Variants in ADGRB3 observed in about 807,000 individuals in gnomAD.
ADGRB3 encodes the protein adhesion G protein-coupled receptor B3.
Under a neutral mutation model 193.4 loss-of-function variants are expected in ADGRB3, and 37 were observed. The ratio of observed to expected loss-of-function variants is 0.19; its 90% CI spans 0.15 to 0.25. The LOEUF (loss-of-function observed/expected upper bound fraction) is 0.25. Ranked by LOEUF, ADGRB3 falls within the 10% of genes least tolerant of loss-of-function variation. The pLI is 1.00. For synonymous variants in ADGRB3, 690 were observed against 644.2 expected, an observed-to-expected ratio of 1.07 and a Z score of -1.08; for missense variants, 1,637 against 1,852.9, an observed-to-expected ratio of 0.88 and a Z score of 2.14.
intron 3 of ADGRB3, among the ~76,000 whole-genome samples, chr6:68,848,857 A>T (rs1768341189): frequency 6.6e-6 from 1 of 151,978 alleles, no homozygotes. Flanking sequence ...GACATTAAAA[A>T]TTTTCCTAAG....
chr6:69,361,293 A>G lies in ADGRB3; in HGVS notation c.4020A>G (p.Leu1340=). The change falls in exon 29 of 32, where the codon CTA becomes CTG. Residue 1340 remains leucine, a synonymous_variant. Transcript: ENST00000370598. ...TGGAAACCTTGCCGCATGAAAGGCT[A>G]TTGCACTACAAAGTAAACCCTGAAT... is the stretch of plus-strand genomic sequence containing the variant. ...IGMETLPHER[L]LHYKVNPEFN... 9.9e-6 allele frequency: 16 copies of G among 1,612,910 alleles called. No individual in the cohort carries two copies. Among genetic ancestry groups the G allele is most frequent in the Non-Finnish European group, 1.4e-5 (16 of 1,179,242 alleles).
chr6:68,671,414 G>A (rs111491852), intron 3 of ADGRB3, among the ~76,000 whole-genome samples: 1 of 151,912 alleles, frequency 6.6e-6, no homozygotes, highest in South Asian at 2.1e-4. Context: ...CCTTTACTGT[G>A]TTAAGGCATA....
chr6:69,039,319 G>T (rs1028062073), intron 13 of ADGRB3, among the ~76,000 whole-genome samples: 26 of 151,932 alleles, frequency 1.7e-4, no homozygotes, highest in African/African-American at 5.3e-4. Context: ...TATCCTTGAA[G>T]TTGTGAAGAA....
intron 3 of ADGRB3, among the ~76,000 whole-genome samples, chr6:68,751,489 A>T (rs2127347251): frequency 6.6e-6 from 1 of 152,338 alleles, no homozygotes; most frequent in East Asian, 1.9e-4. Flanking sequence ...TCAGAGATGA[A>T]AGTTCATGGA....
intron 3 of ADGRB3, among the ~76,000 whole-genome samples, chr6:68,871,511 A>G (rs1015131910): frequency 1.3e-5 from 2 of 152,136 alleles, no homozygotes; most frequent in African/African-American, 4.8e-5. Context: ...CCTTGTGAAT[A>G]TAAACAAGCA....
intron 23 of ADGRB3, among the ~76,000 whole-genome samples, chr6:69,330,798 T>C (rs1351004879): frequency 6.6e-6 from 1 of 152,182 alleles, no homozygotes; most frequent in East Asian, 1.9e-4. Context: ...GGTATTTCTC[T>C]TACAGTAATT....
intron 3 of ADGRB3, among the ~76,000 whole-genome samples, chr6:68,722,816 A>G (rs527821574): frequency 6.6e-6 from 1 of 151,780 alleles, no homozygotes; most frequent in South Asian, 2.1e-4. Context: ...CAGTGACTTC[A>G]TTTTGTCTAT....
chr6:68,705,850 G>A (rs1765318003), intron 3 of ADGRB3, among the ~76,000 whole-genome samples: 1 of 152,172 alleles, frequency 6.6e-6, no homozygotes, highest in Non-Finnish European at 1.5e-5. Flanking sequence ...AGACAGAAGG[G>A]TGGGAGTCAG....
intron 13 of ADGRB3, among the ~76,000 whole-genome samples, chr6:69,033,061 T>C (rs986618250): frequency 4.6e-5 from 7 of 152,150 alleles, no homozygotes; most frequent in African/African-American, 7.2e-5. Flanking sequence ...GTATCCTACA[T>C]TTTAAAAAAT....
intron 3 of ADGRB3, among the ~76,000 whole-genome samples, chr6:68,851,806 T>C (rs2127391233): frequency 6.6e-6 from 1 of 151,996 alleles, no homozygotes; most frequent in South Asian, 2.1e-4. Context: ...CTACTTTTCT[T>C]GTGATTATTT....
intron 3 of ADGRB3, among the ~76,000 whole-genome samples, chr6:68,673,314 A>G (rs150526568): frequency 6.6e-6 from 1 of 152,268 alleles, no homozygotes; most frequent in African/African-American, 2.4e-5. Flanking sequence ...CTAGTTATTT[A>G]CTTCTCATAC....
intron 17 of ADGRB3, among the ~76,000 whole-genome samples, chr6:69,154,983 G>C (rs1373218145): frequency 1.3e-5 from 2 of 152,198 alleles, no homozygotes; most frequent in African/African-American, 4.8e-5. Flanking sequence ...GGCTTTGACA[G>C]TTTAAAAGTG....
chr6:68,874,943 G>A (rs1262513881), intron 3 of ADGRB3, among the ~76,000 whole-genome samples: 1 of 152,170 alleles, frequency 6.6e-6, no homozygotes, highest in Non-Finnish European at 1.5e-5. Flanking sequence ...GGTGCAGATA[G>A]CTGTGCCTCA....
chr6:68,928,004 T>G (rs187652381), intron 3 of ADGRB3, among the ~76,000 whole-genome samples: 1 of 152,282 alleles, frequency 6.6e-6, no homozygotes, highest in Admixed American at 6.5e-5. Flanking sequence ...AGTATTCATA[T>G]AACATTGATT....
rs570008535 is a variant in ADGRB3, at chr6:68,756,828, G to C, written c.757+117396G>C. Among the ~76,000 whole-genome samples, 3 of 152,256 alleles carry C rather than the reference G, an allele frequency of 2.0e-5. No homozygotes were observed. In the South Asian group the frequency reaches 6.2e-4, roughly 32 times the overall value. On this transcript the variant is annotated intron_variant, in intron 3 of 31. Coordinates refer to ENST00000370598, the MANE Select transcript of ADGRB3 (RefSeq NM_001704.3). Reference sequence around the variant, plus strand: ...TTATGGAGTGATTAAAATTGTTTACGTATAGTGTTTCCCCCAGTGTGATAA... The same window carrying C: ...TTATGGAGTGATTAAAATTGTTTACCTATAGTGTTTCCCCCAGTGTGATAA...
Position 68,639,126 on chromosome 6 carries a change from T to C in ADGRB3, c.451T>C (p.Ser151Pro). Residue 151 changes from serine (S) to proline (P), a missense_variant, in exon 3 of 32, where the codon TCT (serine) becomes CCT (proline). Coordinates refer to ENST00000370598, the MANE Select transcript of ADGRB3 (RefSeq NM_001704.3). ...GAAAAAAGGGGAAGAAGATCAGAAA[T>C]CTTTTTTTGAGTTTTTGGTATTGAA... ...LQKKGEEDQK[S>P]FFEFLVLNKV... The C allele has an allele frequency of 4.3e-6, 7 of 1,614,144 alleles. No individual in the cohort carries two copies. The highest frequency in any genetic ancestry group is 5.9e-6 in the Non-Finnish European group (7 of 1,180,040).
At chr6:69,387,997 G>A (rs1203998891) in intron 31 of ADGRB3, among the ~76,000 whole-genome samples, 2 of 151,984 alleles carry the variant, frequency 1.3e-5, no homozygotes, top group African/African-American at 4.8e-5. Flanking sequence ...AGAGCTAATA[G>A]AAATTAAAGG....
chr6:68,914,072 G>T (rs1442470740), intron 3 of ADGRB3, among the ~76,000 whole-genome samples: 1 of 151,858 alleles, frequency 6.6e-6, no homozygotes, highest in East Asian at 1.9e-4. Context: ...TCTGATTGGT[G>T]TACCTGAAAG....
intron 9 of ADGRB3, 40 bp from the exon 10 acceptor site, chr6:68,975,194 C>T: frequency 1.3e-6 from 2 of 1,535,594 alleles, no homozygotes; most frequent in Non-Finnish European, 1.8e-6. Context: ...CTTCAAACAT[C>T]CCTATTATAA....
Sources: allele counts gnomAD v4.1 joint callset (sites outside exome capture counted in the v4.1 genomes callset), GRCh38; gene constraint gnomAD v4.1.1; transcripts MANE v1.5; gene names NCBI Gene and HGNC (gene_info 2026-07-23, HGNC 2026-07-21).